The following QPRT variants were observed in gnomAD, a reference collection of about 807,000 sequenced individuals.
The protein encoded by QPRT is quinolinate phosphoribosyltransferase.
Under a neutral mutation model 19.8 loss-of-function variants are expected in QPRT, and 17 were observed. The ratio of observed to expected loss-of-function variants is 0.86; its 90% CI spans 0.59 to 1.29. QPRT has a LOEUF of 1.29. QPRT is among the 50% of genes most tolerant of loss of function. QPRT has a pLI of 0.00. For missense variants in QPRT, 336 were observed against 405.1 expected (o/e 0.83, Z 1.46); for synonymous variants, 178 against 191.0 (o/e 0.93, Z 0.56).
chr16:29,684,290 T>C (rs1214502159), intron 1 of QPRT, among the ~76,000 whole-genome samples: 1 of 151,976 alleles, frequency 6.6e-6, no homozygotes, highest in Non-Finnish European at 1.5e-5. Context: ...CAGCTAACTT[T>C]TTCTTTTTTT....
At position 29,697,321 on chromosome 16, in the gene QPRT, C is replaced by T. The variant is rs1967577789; in HGVS notation, c.804C>T (p.Ser268=). The stretch of plus-strand genomic sequence containing the variant: ...GCGGGCCGCACATAGACGTCATCTC[C>T]ATGGGGATGCTGACCCAGGCGGCCC... ...QFCGPHIDVI[S]MGMLTQAAPA... The change falls in exon 4 of 4, where the codon TCC becomes TCT. Residue 268 remains serine (S), a synonymous_variant. Transcript: ENST00000395384. This position sits in a 1 kb window ranked among gnomAD's most constrained non-coding sequence, Gnocchi z 4.4. The T allele has an allele frequency of 1.2e-6, 2 of 1,614,196 alleles. No homozygotes were observed. Among genetic ancestry groups the T allele is most frequent in the African/African-American group, 1.3e-5 (1 of 75,072 alleles).
At chr16:29,682,454 C>T (rs1003604071) in intron 1 of QPRT, among the ~76,000 whole-genome samples, 1 of 152,118 alleles carries the variant, frequency 6.6e-6, no homozygotes, top group African/African-American at 2.4e-5. Context: ...CTCACTGCAA[C>T]CTCTGCCTCC....
At chr16:29,694,365 C>T (rs1383073663) in intron 1 of QPRT, among the ~76,000 whole-genome samples, 2 of 151,850 alleles carry the variant, frequency 1.3e-5, no homozygotes, top group South Asian at 2.1e-4. Flanking sequence ...GTGATCCGCC[C>T]GCCTCGGCCT....
intron 1 of QPRT, among the ~76,000 whole-genome samples, chr16:29,684,722 C>T (rs1275860153): frequency 6.6e-6 from 1 of 152,162 alleles, no homozygotes; most frequent in African/African-American, 2.4e-5. Flanking sequence ...CTCCTGCTGC[C>T]GCCTCAGCCT....
At chr16:29,685,524 A>G (rs998949880) in intron 1 of QPRT, among the ~76,000 whole-genome samples, 8 of 152,144 alleles carry the variant, frequency 5.3e-5, no homozygotes, top group African/African-American at 1.7e-4. Context: ...CCAGGCCTCA[A>G]GTGGCCCTCC....
At position 29,697,844 on chromosome 16, in the gene QPRT, G is replaced by A; in HGVS notation, c.*433G>A. On this transcript the variant is annotated 3_prime_UTR_variant, in exon 4 of 4. Transcript: ENST00000395384. The surrounding 1 kb of genome is among the most constrained non-coding windows in gnomAD (Gnocchi z 4.4). ...CTACCAAAAATAGAAGAATTAGCTG[G>A]GTGTGGTGGCACGCGCCTGTAATCC... 6.3e-6 allele frequency: 1 copy of A among 157,880 alleles called. No individual in the cohort carries two copies. Among genetic ancestry groups the A allele is most frequent in the Non-Finnish European group, 1.4e-5 (1 of 71,966 alleles). 9.8% of individuals were successfully genotyped at this position (157,880 alleles called of 1,614,324 possible).
intron 1 of QPRT, among the ~76,000 whole-genome samples, chr16:29,683,059 C>G (rs1331841693): frequency 1.4e-5 from 2 of 146,968 alleles, no homozygotes; most frequent in Non-Finnish European, 3.0e-5. Flanking sequence ...GAATCTCACT[C>G]TGTTGCCCAG....
chr16:29,696,888 C>A (rs940642431), intron 2 of QPRT, 108 bp from the exon 3 acceptor site: 2 of 1,341,450 alleles, frequency 1.5e-6, no homozygotes, highest in African/African-American at 1.5e-5. Flanking sequence ...CCCCGCGCCC[C>A]AGCTGCAGTG....
chr16:29,698,311 A>T lies in QPRT; in HGVS notation c.*900A>T, dbSNP rs1323851847. 1 of 152,366 alleles carries T rather than the reference A, an allele frequency of 6.6e-6. No homozygotes were observed. The highest frequency in any genetic ancestry group is 2.4e-5 in the African/African-American group (1 of 41,428). The allele number at this position is 152,366 out of a possible 1,614,324, so 9.4% of individuals were successfully genotyped here. ...CCCCACCTTGCCTAGTTTACAAGAC[A>T]GGAGGAAAGAGAGAAAGCAAAAAGT... On this transcript the variant is annotated 3_prime_UTR_variant, in exon 4 of 4. Coordinates refer to ENST00000395384, the MANE Select transcript of QPRT (RefSeq NM_014298.6).
intron 1 of QPRT, among the ~76,000 whole-genome samples, chr16:29,693,008 C>A (rs543920072): frequency 1.3e-5 from 2 of 151,504 alleles, no homozygotes; most frequent in East Asian, 3.9e-4. Flanking sequence ...TTGAAGCGAG[C>A]CGAGATCACT....
intron 1 of QPRT, among the ~76,000 whole-genome samples, chr16:29,680,133 A>G (rs1411766209): frequency 2.6e-5 from 4 of 151,532 alleles, no homozygotes; most frequent in Non-Finnish European, 4.4e-5. Flanking sequence ...AATTTTTTGT[A>G]TTTTTAGTAG....
rs1967590491 is a variant in QPRT, at chr16:29,697,617, G to A, written c.*206G>A. ...CTCAGTTTCCTAATCTGTAAAATGG[G>A]TCTAATAAAGGATCAACCACATGGG... On this transcript the variant is annotated 3_prime_UTR_variant, in exon 4 of 4. Transcript: ENST00000395384. This position sits in a 1 kb window ranked among gnomAD's most constrained non-coding sequence, Gnocchi z 4.4. The A allele has an allele frequency of 1.0e-5, 6 of 595,250 alleles. No homozygotes were observed. Among genetic ancestry groups the A allele is most frequent in the Non-Finnish European group, 1.5e-5 (5 of 340,370 alleles). The allele number at this position is 595,250 out of a possible 1,614,324, so 36.9% of individuals were successfully genotyped here. A position where few individuals can be genotyped will look rare whatever the true frequency, so the allele number is the denominator to read the frequency against.
rs775137678 is a variant in QPRT at position 29,696,980 on chromosome 16, C to T, written c.550-16C>T. ...TGGGCCCAGTCCTCACCCTTGTCCTCCCGGCTGCCCAGCAGGCGGTGCGGG... is the reference window on the plus strand; with the variant it reads ...TGGGCCCAGTCCTCACCCTTGTCCTTCCGGCTGCCCAGCAGGCGGTGCGGG... On this transcript the variant is annotated splice_polypyrimidine_tract_variant and intron_variant, in intron 2 of 3. Transcript: ENST00000395384. 1.9e-6 allele frequency: 3 copies of T among 1,587,870 alleles called. No individual in the cohort carries two copies. The highest frequency in any genetic ancestry group is 2.6e-6 in the Non-Finnish European group (3 of 1,169,544).
chr16:29,695,094 G>A lies in QPRT; in HGVS notation c.444G>A (p.Glu148=). 1 of 1,604,548 alleles carries A rather than the reference G, an allele frequency of 6.2e-7. No individual in the cohort carries two copies. The highest frequency in any genetic ancestry group is 8.5e-7 in the Non-Finnish European group (1 of 1,177,226). ...CCACGCCAGGCTTCCGGCTGGTGGA[G>A]AAGTATGGGCTCCTGGTGGGCGGGG... ...RKTTPGFRLV[E]KYGLLVGGAA... is the part of the protein sequence containing the mutation. Residue 148 remains glutamate, a synonymous_variant, in exon 2 of 4, where the codon GAG becomes GAA. Transcript: ENST00000395384.
Position 29,680,832 on chromosome 16 carries a change from A to G in QPRT, c.13+1622A>G, listed in dbSNP as rs372264974. 7.6e-4 allele frequency among the ~76,000 whole-genome samples: 115 copies of G among 152,118 alleles called. 15 individuals carry two copies. Among genetic ancestry groups the G allele is most frequent in the Admixed American group, 2.5e-3 (38 of 15,272 alleles). On this transcript the variant is annotated intron_variant, in intron 1 of 3. Coordinates refer to ENST00000395384, the MANE Select transcript of QPRT (RefSeq NM_014298.6). ...GGTGCGCACCTGTAATCCCAGCTAC[A>G]TGGGAGGCTGAGGCAGGAGAATTGC... is the stretch of plus-strand genomic sequence containing the variant.
At chr16:29,686,963 TAGGCATGG>T (rs1451239546) in intron 1 of QPRT, among the ~76,000 whole-genome samples, 1 of 152,252 alleles carries the variant, frequency 6.6e-6, no homozygotes, top group African/African-American at 2.4e-5. Context: ...TAATAATTGC[TAGGCATGG>T]AGGCAACAGC....
chr16:29,692,420 AAC>A (rs1567331345), intron 1 of QPRT, among the ~76,000 whole-genome samples: 1 of 151,846 alleles, frequency 6.6e-6, no homozygotes, highest in Non-Finnish European at 1.5e-5. Flanking sequence ...CTCTACTAAA[AAC>A]ACAAAAAAAT....
Position 29,694,882 on chromosome 16 carries a change from G to A in QPRT, c.232G>A (p.Gly78Arg), listed in dbSNP as rs1331533511. The change falls in exon 2 of 4, where the codon GGA becomes AGA. Residue 78 changes from glycine (G) to arginine (R), a missense_variant. Coordinates refer to ENST00000395384, the MANE Select transcript of QPRT (RefSeq NM_014298.6). ...NCQVSWFLPEGSKLVPVARVA... is the reference protein window; with the variant it reads ...NCQVSWFLPERSKLVPVARVA... The stretch of plus-strand genomic sequence containing the variant: ...CCAAGTCTCCTGGTTCCTCCCCGAG[G>A]GATCGAAGCTGGTGCCGGTGGCCAG... 2 of 1,614,066 alleles carry A rather than the reference G, an allele frequency of 1.2e-6. No individual in the cohort carries two copies. The highest frequency in any genetic ancestry group is 2.2e-5 in the East Asian group (1 of 44,872).
chr16:29,691,515 T>TA (rs1967333743), intron 1 of QPRT, among the ~76,000 whole-genome samples: 1 of 151,510 alleles, frequency 6.6e-6, no homozygotes, highest in Non-Finnish European at 1.5e-5. Context: ...CCCCCATCTC[T>TA]ACAACAAAAA....
Sources: gnomAD v4.1 joint callset for allele counts (sites outside exome capture counted in the v4.1 genomes callset) on GRCh38, gnomAD v4.1.1 for gene constraint, Gnocchi (gnomAD v3.1) non-coding constraint, MANE v1.5 for transcripts, NCBI Gene and HGNC (gene_info 2026-07-23, HGNC 2026-07-21) for gene names.